The following KRI1 variants were observed in gnomAD, a reference collection of about 807,000 sequenced individuals.
The protein encoded by KRI1 is KRI1 homolog.
KRI1 carries 83 observed loss-of-function variants against 97.0 expected under a neutral mutation model. That is an observed-to-expected ratio of 0.86 (90% CI 0.72 to 1.03). KRI1 has a LOEUF of 1.03. KRI1 is among the 50% of genes least tolerant of loss of function. The probability of loss-of-function intolerance (pLI) is 0.00; values close to 1 mark genes in which losing one functional copy is unlikely to be tolerated. For missense variants in KRI1, 916 were observed against 928.4 expected (o/e 0.99, Z 0.17); for synonymous variants, 371 against 363.5 (o/e 1.02, Z -0.23).
At chr19:10,560,932 T>A in intron 8 of KRI1, 71 bp downstream of exon 8, 1 of 1,198,230 alleles carries the variant, frequency 8.3e-7, no homozygotes, top group Non-Finnish European at 1.2e-6. Flanking sequence ...AGAGGGTTAC[T>A]TTCTGTAAAT....
chr19:10,563,695 G>C (rs1916767891), intron 3 of KRI1, among the ~76,000 whole-genome samples: 1 of 152,174 alleles, frequency 6.6e-6, no homozygotes, highest in African/African-American at 2.4e-5. Context: ...TCTTACTCTT[G>C]CTCAGGCTGG....
chr19:10,560,331 C>A lies in KRI1; in HGVS notation c.781G>T (p.Glu261Ter), dbSNP rs756282835. 3 of 1,611,608 alleles carry A rather than the reference C, an allele frequency of 1.9e-6. No homozygotes were observed. Among genetic ancestry groups the A allele is most frequent in the Non-Finnish European group, 2.5e-6 (3 of 1,178,882 alleles). ...EEEEEEEDEE[E>*]MEEEEGVHGP... ...GCTCACCCCTCCTCTTCCTCCATTT[C>A]CTCTTCATCTTCCTCCTCCTCTTCC... The change falls in exon 9 of 19, where the codon GAA becomes TAA. Residue 261 changes from glutamate to a stop codon, truncating the protein, a stop_gained. Coordinates refer to ENST00000312962, the MANE Select transcript of KRI1 (RefSeq NM_023008.5). LOFTEE classifies it high-confidence loss of function.
chr19:10,562,173 C>T (rs1916722778), intron 4 of KRI1, among the ~76,000 whole-genome samples: 1 of 151,572 alleles, frequency 6.6e-6, no homozygotes, highest in Admixed American at 6.6e-5. Context: ...CTCAGCCTCC[C>T]CACGTAGCTG....
Position 10,565,922 on chromosome 19 carries a change from G to A in KRI1, c.78C>T (p.Arg26=). 6.5e-7 allele frequency: 1 copy of A among 1,533,700 alleles called. No individual in the cohort carries two copies. Among genetic ancestry groups the A allele is most frequent in the Non-Finnish European group, 8.8e-7 (1 of 1,140,478 alleles). The change falls in exon 1 of 19, where the codon CGC becomes CGT. Residue 26 remains arginine, a synonymous_variant. Coordinates refer to ENST00000312962, the MANE Select transcript of KRI1 (RefSeq NM_023008.5). The stretch of plus-strand genomic sequence containing the variant: ...CGCACTCACGCCGCTGCAGTTCCTC[G>A]CGCTCCCGGTAGCGGTTGTACCGCG... ...FAARYNRYRE[R]EELQRLKDRY...
rs374028807 is a variant in KRI1, at chr19:10,561,235, G to C, written c.519C>G (p.Asp173Glu). The C allele has an allele frequency of 3.0e-5, 48 of 1,613,942 alleles. 1 individual carries two copies. The Middle Eastern group carries it at 4.9e-4, about 17-fold the overall frequency. ...AGCCGCCCTCCCCAGCGCCGTCCTCGTCCTCACTGTCCTCCACAAATGCCC... is the reference window on the plus strand; with the variant it reads ...AGCCGCCCTCCCCAGCGCCGTCCTCCTCCTCACTGTCCTCCACAAATGCCC... ...SFRAFVEDSE[D>E]EDGAGEGGSS... Residue 173 changes from aspartate to glutamate, a missense_variant, in exon 7 of 19, where the codon GAC (aspartate) becomes GAG (glutamate). This residue lies in a region of KRI1 where 71 missense variants were observed against 108.1 expected (regional missense o/e 0.66). Coordinates refer to ENST00000312962, the MANE Select transcript of KRI1 (RefSeq NM_023008.5).
Position 10,553,131 on chromosome 19 carries a change from G to T in KRI1, c.*820C>A. On this transcript the variant is annotated 3_prime_UTR_variant, in exon 19 of 19. Coordinates refer to ENST00000312962, the MANE Select transcript of KRI1 (RefSeq NM_023008.5). ...TTTTTATTTATGTCATGTCGGGTGT[G>T]GGATCTTGAGCTCTGGCAGTGATGA... 6.7e-7 allele frequency: 1 copy of T among 1,486,874 alleles called. No individual in the cohort carries two copies. The allele number at this position is 1,486,874 out of a possible 1,614,324, so 92.1% of individuals were successfully genotyped here.
Position 10,559,342 on chromosome 19 carries a change from C to A in KRI1, c.1194+17G>T, listed in dbSNP as rs757430212. The A allele has an allele frequency of 1.2e-6, 2 of 1,607,842 alleles. No individual in the cohort carries two copies. Among genetic ancestry groups the A allele is most frequent in the Non-Finnish European group, 1.7e-6 (2 of 1,175,776 alleles). ...GTGTGAACTCAGCGTCATGTTGGGC[C>A]GGGATGAGGGCCGCACCTGCATGAG... On this transcript the variant is annotated intron_variant, in intron 12 of 18. Coordinates refer to ENST00000312962, the MANE Select transcript of KRI1 (RefSeq NM_023008.5).
intron 16 of KRI1, among the ~76,000 whole-genome samples, chr19:10,556,580 T>C (rs894336977): frequency 6.6e-6 from 1 of 151,570 alleles, no homozygotes; most frequent in African/African-American, 2.4e-5. Context: ...GGCAGGAGAA[T>C]CATTTGAACC....
intron 16 of KRI1, 79 bp downstream of exon 16, chr19:10,557,473 T>C: frequency 6.9e-7 from 1 of 1,455,248 alleles, no homozygotes; most frequent in South Asian, 1.2e-5. Context: ...CAACAGAGAT[T>C]GGGACTCAGG....
chr19:10,565,201 G>C (rs573573358), intron 2 of KRI1, 167 bp from the exon 3 acceptor site: 1 of 641,474 alleles, frequency 1.6e-6, no homozygotes, highest in Non-Finnish European at 2.8e-6. Flanking sequence ...TCTTGGGGTG[G>C]GCAGGGGCAG....
chr19:10,557,657 C>A lies in KRI1; in HGVS notation c.1512G>T (p.Leu504=). 6.2e-7 allele frequency: 1 copy of A among 1,614,230 alleles called. No individual in the cohort carries two copies. The highest frequency in any genetic ancestry group is 2.2e-5 in the East Asian group (1 of 44,886). ...EPGDKTFEEY[L]DEYYRLDYED... ...CGTAGTCCAGCCGGTAATACTCATC[C>A]AGGTACTCCTCGAACGTCTTGTCCC... The change falls in exon 16 of 19, where the codon CTG becomes CTT. Residue 504 remains leucine, a synonymous_variant. Coordinates refer to ENST00000312962, the MANE Select transcript of KRI1 (RefSeq NM_023008.5).
At chr19:10,563,197 A>T (rs1916751019) in intron 3 of KRI1, among the ~76,000 whole-genome samples, 1 of 151,772 alleles carries the variant, frequency 6.6e-6, no homozygotes, top group Non-Finnish European at 1.5e-5. Context: ...CTGGGATTAC[A>T]GGTGCCCACC....
At chr19:10,558,799 G>A (rs62128850) in intron 12 of KRI1, among the ~76,000 whole-genome samples, 20,131 of 151,978 alleles carry the variant, frequency 0.13, 1,449 homozygotes, top group Middle Eastern at 0.18. Flanking sequence ...TCCACCTCCC[G>A]GGTTCAAGCG....
rs546774525 is a variant in KRI1 at position 10,553,103 on chromosome 19, A to AT, written c.*847dup. 58 of 1,548,378 alleles carry AT rather than the reference A, an allele frequency of 3.7e-5. 1 individual carries two copies. The South Asian group carries it at 6.2e-4, about 17-fold the overall frequency. On this transcript the variant is annotated 3_prime_UTR_variant, in exon 19 of 19. Coordinates refer to ENST00000312962, the MANE Select transcript of KRI1 (RefSeq NM_023008.5). ...TGAGGGGAAAGATACAACACTATTT[A>AT]TTTTTTTATTTATGTCATGTCGGGT...
intron 11 of KRI1, 32 bp downstream of exon 11, chr19:10,559,581 G>A (rs996962880): frequency 6.2e-7 from 1 of 1,613,696 alleles, no homozygotes; most frequent in South Asian, 1.1e-5. Flanking sequence ...CCAGGGCTGG[G>A]GGGTCCTCCC....
chr19:10,565,671 G>C (rs1206971354), intron 2 of KRI1, 46 bp downstream of exon 2: 2 of 1,529,320 alleles, frequency 1.3e-6, no homozygotes, highest in Non-Finnish European at 1.8e-6. Context: ...GTGCAGAGGG[G>C]GGCTTGGACG....
At position 10,553,374 on chromosome 19, in the gene KRI1, G is replaced by T. The variant is rs143912128; in HGVS notation, c.*577C>A. 6.7e-6 allele frequency: 2 copies of T among 300,102 alleles called. No individual in the cohort carries two copies. The highest frequency in any genetic ancestry group is 1.3e-5 in the Non-Finnish European group (2 of 159,946). 18.6% of individuals were successfully genotyped at this position (300,102 alleles called of 1,614,324 possible). A position where few individuals can be genotyped will look rare whatever the true frequency, so the allele number is the denominator to read the frequency against. ...GCCCTCCCTGTCCCAAAGCCCCCTTGGGGGAACTGTGGCTGCTGGGGGCCA... is the reference window on the plus strand; with the variant it reads ...GCCCTCCCTGTCCCAAAGCCCCCTTTGGGGAACTGTGGCTGCTGGGGGCCA... On this transcript the variant is annotated 3_prime_UTR_variant, in exon 19 of 19. Coordinates refer to ENST00000312962, the MANE Select transcript of KRI1 (RefSeq NM_023008.5).
intron 6 of KRI1, among the ~76,000 whole-genome samples, 165 bp downstream of exon 6, chr19:10,561,497 GCTCTC>G (rs1323023282): frequency 6.6e-6 from 1 of 152,166 alleles, no homozygotes; most frequent in South Asian, 2.1e-4. Flanking sequence ...TAAGCCCTGA[GCTCTC>G]CTCTCAACAA....
rs925350551 is a variant in KRI1, at chr19:10,558,189, T to C, written c.1245A>G (p.Gln415=). 6.2e-6 allele frequency: 10 copies of C among 1,613,994 alleles called. No homozygotes were observed. The highest frequency in any genetic ancestry group is 2.2e-5 in the South Asian group (2 of 91,072). The change falls in exon 13 of 19, where the codon CAA becomes CAG. Residue 415 remains glutamine (Q), a synonymous_variant. Transcript: ENST00000312962. ...YYGAVEEEKP[Q]FEEEEGLEDD... ...CTTCAAGCCCTTCTTCTTCCTCAAA[T>C]TGTGGCTTCTCCTCCTCCACGGCCC...
Sources: allele counts gnomAD v4.1 joint callset (sites outside exome capture counted in the v4.1 genomes callset), GRCh38; gene constraint gnomAD v4.1.1; regional missense constraint gnomAD v4.1.1; transcripts MANE v1.5; gene names NCBI Gene and HGNC (gene_info 2026-07-23, HGNC 2026-07-21).